Variants in ASIC2 observed in about 807,000 individuals in gnomAD.
The protein encoded by ASIC2 is acid sensing ion channel subunit 2.
A neutral mutation model predicts 57.3 loss-of-function variants in ASIC2; 25 were observed. The observed-to-expected ratio is 0.44, with a 90% CI of 0.32 to 0.61. The LOEUF is 0.61. Among genes scored for constraint, ASIC2 ranks in the 20% least tolerant of loss-of-function variants. The pLI, the probability that ASIC2 is intolerant of heterozygous loss-of-function variation, is 0.06. For missense variants in ASIC2, 641 were observed against 738.1 expected (o/e 0.87, Z 1.52); for synonymous variants, 319 against 307.5 (o/e 1.04, Z -0.39).
In ASIC2 at chr17:33,927,989, A is replaced by C. The variant is rs181285510; in HGVS notation, c.555+227989T>G. The stretch of plus-strand genomic sequence containing the variant: ...TAATATTTGTCCGCTAATTTTGCTA[A>C]TTGTGTGCTCATTTGTCATCCTCTA... On this transcript the variant is annotated intron_variant, in intron 1 of 9. Transcript: ENST00000359872. Among the ~76,000 whole-genome samples the C allele has an allele frequency of 2.6e-3, 391 of 152,340 alleles. 2 individuals are homozygous for C. The highest frequency in any genetic ancestry group is 8.7e-3 in the African/African-American group (360 of 41,578).
At chr17:33,117,609 C>A (rs2141993498) in intron 1 of ASIC2, among the ~76,000 whole-genome samples, 1 of 152,314 alleles carries the variant, frequency 6.6e-6, no homozygotes, top group East Asian at 1.9e-4. Flanking sequence ...ATGGGTGAGA[C>A]CTTCCCATCA....
At chr17:33,158,165 T>C (rs1905062137) in intron 1 of ASIC2, among the ~76,000 whole-genome samples, 1 of 152,246 alleles carries the variant, frequency 6.6e-6, no homozygotes, top group African/African-American at 2.4e-5. Context: ...ATAACCCTAC[T>C]GATTTGTTTA....
chr17:33,896,968 A>T (rs1323710148), intron 1 of ASIC2, among the ~76,000 whole-genome samples: 2 of 152,238 alleles, frequency 1.3e-5, no homozygotes, highest in Non-Finnish European at 2.9e-5. Flanking sequence ...CAGACAGGAT[A>T]AAGGAGAAGC....
chr17:33,464,471 C>CT (rs1567620832), intron 1 of ASIC2, among the ~76,000 whole-genome samples: 6 of 86,922 alleles, frequency 6.9e-5, no homozygotes, highest in East Asian at 5.7e-4. Context: ...TTCTTTCTTT[C>CT]TTTCTTTTCT....
chr17:33,178,904 C>T (rs545332813), intron 1 of ASIC2, among the ~76,000 whole-genome samples: 59 of 152,306 alleles, frequency 3.9e-4, no homozygotes, highest in South Asian at 3.5e-3. Flanking sequence ...GTTGGCACAG[C>T]CAAAGCACTG....
At chr17:33,915,109 A>G (rs1915556552) in intron 1 of ASIC2, among the ~76,000 whole-genome samples, 1 of 152,222 alleles carries the variant, frequency 6.6e-6, no homozygotes, top group Admixed American at 6.5e-5. Context: ...GGCATCAGCA[A>G]TGAAATTAAA....
intron 1 of ASIC2, among the ~76,000 whole-genome samples, chr17:33,619,297 A>G (rs1298364617): frequency 1.3e-5 from 2 of 152,294 alleles, no homozygotes; most frequent in African/African-American, 4.8e-5. Context: ...TTCAACACCA[A>G]TTCAATTTCA....
At chr17:33,984,681 TTGTC>T (rs1308896548) in intron 1 of ASIC2, among the ~76,000 whole-genome samples, 1 of 152,176 alleles carries the variant, frequency 6.6e-6, no homozygotes, top group Non-Finnish European at 1.5e-5. Flanking sequence ...ATCTTGTCAC[TTGTC>T]TGTCTAAGCT....
chr17:33,534,294 C>T (rs374208397), intron 1 of ASIC2: 15 of 152,184 alleles, frequency 9.9e-5, no homozygotes, highest in Admixed American at 4.6e-4. Flanking sequence ...TCTGATTGCT[C>T]GGGACCCCAG....
intron 1 of ASIC2, among the ~76,000 whole-genome samples, chr17:33,634,010 T>C (rs1906263390): frequency 6.6e-6 from 1 of 152,202 alleles, no homozygotes; most frequent in Non-Finnish European, 1.5e-5. Context: ...TTCTCTGGGC[T>C]CCTACTAGTA....
chr17:33,500,903 A>C (rs1357909839), intron 1 of ASIC2, among the ~76,000 whole-genome samples: 1 of 152,224 alleles, frequency 6.6e-6, no homozygotes, highest in Non-Finnish European at 1.5e-5. Flanking sequence ...CTTGTATGTG[A>C]ATGTGTTTAT....
intron 1 of ASIC2, among the ~76,000 whole-genome samples, chr17:33,610,054 G>GCACACACACACACACACACACACACACA (rs57533251): frequency 2.1e-5 from 3 of 144,736 alleles, no homozygotes; most frequent in Non-Finnish European, 4.5e-5. Context: ...GGACAGAGGC[G>GCACACACACACACACACACACACACACA]CACACACACA....
At chr17:33,304,720 A>T (rs1477748002) in intron 1 of ASIC2, among the ~76,000 whole-genome samples, 2 of 152,174 alleles carry the variant, frequency 1.3e-5, no homozygotes, top group Non-Finnish European at 2.9e-5. Context: ...AATGAGTCAC[A>T]TGGTAGATAC....
intron 1 of ASIC2, among the ~76,000 whole-genome samples, chr17:33,459,245 G>A (rs970705127): frequency 2.0e-5 from 3 of 152,090 alleles, no homozygotes; most frequent in Non-Finnish European, 4.4e-5. Context: ...TGTCCACGAC[G>A]GGGTCGGTCT....
At chr17:33,052,974 A>G (rs571686992) in intron 3 of ASIC2, 2 of 152,270 alleles carry the variant, frequency 1.3e-5, no homozygotes, top group South Asian at 4.2e-4. Flanking sequence ...CTGAAAACCT[A>G]CAGGAGGACA....
At chr17:33,598,044 G>C (rs757476806) in intron 1 of ASIC2, among the ~76,000 whole-genome samples, 2 of 152,078 alleles carry the variant, frequency 1.3e-5, no homozygotes, top group Non-Finnish European at 2.9e-5. Flanking sequence ...ATGAATCCAT[G>C]CTGACAGGTT....
intron 1 of ASIC2, among the ~76,000 whole-genome samples, chr17:33,286,334 T>G (rs149441460): frequency 1.0e-3 from 158 of 152,238 alleles, no homozygotes; most frequent in African/African-American, 3.7e-3. Context: ...TGGCTTCTCA[T>G]AGAGTTAGGA....
At chr17:33,901,314 C>T (rs926898683) in intron 1 of ASIC2, among the ~76,000 whole-genome samples, 14 of 152,156 alleles carry the variant, frequency 9.2e-5, no homozygotes, top group Non-Finnish European at 1.9e-4. Flanking sequence ...CTTCAGCAGC[C>T]TTATCATCAG....
At chr17:34,124,198 CAG>C (rs1408413653) in intron 1 of ASIC2, among the ~76,000 whole-genome samples, 1 of 152,154 alleles carries the variant, frequency 6.6e-6, no homozygotes, top group Admixed American at 6.5e-5. Context: ...GATTATGTAA[CAG>C]AAAGAATACA....
Sources: allele counts gnomAD v4.1 joint callset (sites outside exome capture counted in the v4.1 genomes callset), GRCh38; gene constraint gnomAD v4.1.1; transcripts MANE v1.5; gene names NCBI Gene and HGNC (gene_info 2026-07-23, HGNC 2026-07-21).